CACNA1C: variants seen among roughly 807,000 people sequenced by gnomAD.
CACNA1C encodes calcium voltage-gated channel subunit alpha1 C, also known as voltage-dependent L-type calcium channel subunit alpha-1C.
In CACNA1C, 30 loss-of-function variants were observed where a neutral mutation model predicts 229.0. The ratio of observed to expected loss-of-function variants is 0.13; its 90% CI spans 0.10 to 0.18. The LOEUF (loss-of-function observed/expected upper bound fraction) is 0.18, where lower values mean the gene tolerates loss of function less well. CACNA1C is among the 10% of genes least tolerant of loss of function. The probability of loss-of-function intolerance (pLI) is 1.00; values close to 1 mark genes in which losing one functional copy is unlikely to be tolerated. For missense variants in CACNA1C, 1,658 were observed against 2,845.0 expected, an observed-to-expected ratio of 0.58 and a Z score of 9.49; for synonymous variants, 1,114 against 1,132.5, an observed-to-expected ratio of 0.98 and a Z score of 0.33.
At chr12:2,457,529 C>G (rs2099442543) in intron 4 of CACNA1C, 38 bp from the exon 5 acceptor site, 1 of 1,590,052 alleles carries the variant, frequency 6.3e-7, no homozygotes, top group South Asian at 1.1e-5. Context: ...AAAAGAAAAC[C>G]CAGTCCTGAC....
At chr12:2,622,832 G>A (rs1037949406) in intron 29 of CACNA1C, among the ~76,000 whole-genome samples, 1 of 152,172 alleles carries the variant, frequency 6.6e-6, no homozygotes, top group Non-Finnish European at 1.5e-5. Context: ...GGTCAGGGCA[G>A]CCTGAGGCTC....
Position 2,666,474 on chromosome 12 carries a change from T to G in CACNA1C, c.4527-212T>G, listed in dbSNP as rs183966935. ...TGAACATAGCATGGGCAGAAAATGA[T>G]TCATTAAAATCTAAACACGTGTATA... is the stretch of plus-strand genomic sequence containing the variant. On this transcript the variant is annotated intron_variant, in intron 36 of 46. Transcript: ENST00000399655. This position sits in a 1 kb window ranked among gnomAD's most constrained non-coding sequence, Gnocchi z 5.3. 4.5e-6 allele frequency: 2 copies of G among 447,990 alleles called. No homozygotes were observed. Among genetic ancestry groups the G allele is most frequent in the African/African-American group, 3.9e-5 (2 of 50,830 alleles). 27.8% of individuals were successfully genotyped at this position (447,990 alleles called of 1,614,324 possible). A position where few individuals can be genotyped will look rare whatever the true frequency, so the allele number is the denominator to read the frequency against.
Position 2,105,636 on chromosome 12 carries a change from C to T in CACNA1C, c.50-9588C>T, listed in dbSNP as rs1275825063. On this transcript the variant is annotated intron_variant, in intron 1 of 46. Coordinates refer to ENST00000399655, the MANE Select transcript of CACNA1C (RefSeq NM_000719.7). ...TCCTGAAGCCACTGGGTGCCCACCC[C>T]GGGGAGGGTTTCCACCTCAGCTGGG... Among the ~76,000 whole-genome samples, 786 of 84,204 alleles carry T rather than the reference C, an allele frequency of 9.3e-3. 4 individuals are homozygous for T. The highest frequency in any genetic ancestry group is 0.031 in the African/African-American group (722 of 23,158). 55.2% of individuals were successfully genotyped at this position (84,204 alleles called of 152,430 possible).
chr12:2,217,254 A>G (rs1566464483), intron 3 of CACNA1C, among the ~76,000 whole-genome samples: 2 of 152,182 alleles, frequency 1.3e-5, no homozygotes, highest in African/African-American at 4.8e-5. Context: ...GGGCTGGTGC[A>G]GGGGGAAGTG....
At chr12:2,680,272 GC>G in intron 42 of CACNA1C, 2 of 1,014,336 alleles carry the variant, frequency 2.0e-6, no homozygotes, top group Non-Finnish European at 1.4e-6. Context: ...GGCCCATTCT[GC>G]CCAGCACAGG....
In CACNA1C at chr12:2,585,835, A is replaced by G; in HGVS notation, c.2461A>G (p.Ile821Val). Residue 821 changes from isoleucine to valine, a missense_variant and splice_region_variant, in exon 18 of 47, where the codon ATC becomes GTC. By Grantham distance (29) the Ile-to-Val change is conservative. Transcript: ENST00000399655. This position sits in a 1 kb window ranked among gnomAD's most constrained non-coding sequence, Gnocchi z 4.1. ...ADGESPPATKINMDDLQPNEN... is the reference protein window; with the variant it reads ...ADGESPPATKVNMDDLQPNEN... Reference sequence around the variant, plus strand: ...CCCCTTCTCCCCTGTGACTGTCTAGATCAACATGGATGACCTCCAGCCCAA... The same window carrying G: ...CCCCTTCTCCCCTGTGACTGTCTAGGTCAACATGGATGACCTCCAGCCCAA... 6.2e-7 allele frequency: 1 copy of G among 1,606,508 alleles called. No homozygotes were observed. The highest frequency in any genetic ancestry group is 8.5e-7 in the Non-Finnish European group (1 of 1,175,374).
chr12:2,095,305 C>T (rs770487574), intron 1 of CACNA1C, among the ~76,000 whole-genome samples: 18 of 152,196 alleles, frequency 1.2e-4, no homozygotes, highest in Non-Finnish European at 2.5e-4. Flanking sequence ...CCTCCTAATT[C>T]CTGTGGGGAC....
intron 3 of CACNA1C, among the ~76,000 whole-genome samples, chr12:2,149,185 A>G (rs1029672): frequency 0.013 from 1,999 of 152,216 alleles, 48 homozygotes; most frequent in African/African-American, 0.045. Context: ...TGAGGAAGAA[A>G]GGGCAGCTAT....
At chr12:2,462,401 C>T (rs1021550708) in intron 5 of CACNA1C, among the ~76,000 whole-genome samples, 1 of 141,832 alleles carries the variant, frequency 7.1e-6, no homozygotes, top group African/African-American at 2.6e-5. Context: ...CATCCCCTCA[C>T]TCCCCGTTCA....
Position 2,602,630 on chromosome 12 carries a change from T to TGTGTGTG in CACNA1C, c.2960+670_2960+671insGTGTGTG, listed in dbSNP as rs2073161027. ...GTGTGTGACTGTGTATATTTGTGTC[T>TGTGTGTG]TGTGTGTGTGTGTGTGTGTGTGTGT... is the stretch of plus-strand genomic sequence containing the variant. On this transcript the variant is annotated intron_variant, in intron 22 of 46. Transcript: ENST00000399655. This position sits in a 1 kb window ranked among gnomAD's most constrained non-coding sequence, Gnocchi z 4.4. Among the ~76,000 whole-genome samples the TGTGTGTG allele has an allele frequency of 7.1e-6, 1 of 140,796 alleles. No homozygotes were observed. Among genetic ancestry groups the TGTGTGTG allele is most frequent in the African/African-American group, 2.8e-5 (1 of 36,120 alleles). 92.4% of individuals were successfully genotyped at this position (140,796 alleles called of 152,430 possible). A position where few individuals can be genotyped will look rare whatever the true frequency, so the allele number is the denominator to read the frequency against.
chr12:2,332,657 C>A (rs1593087900), intron 3 of CACNA1C, among the ~76,000 whole-genome samples: 1 of 152,226 alleles, frequency 6.6e-6, no homozygotes, highest in African/African-American at 2.4e-5. Context: ...AAATATTTAA[C>A]AATGGGGGCC....
At chr12:2,296,585 A>T (rs1357268844) in intron 3 of CACNA1C, among the ~76,000 whole-genome samples, 1 of 152,130 alleles carries the variant, frequency 6.6e-6, no homozygotes, top group Non-Finnish European at 1.5e-5. Flanking sequence ...TGGGACCACC[A>T]CCACCTCCAC....
intron 3 of CACNA1C, among the ~76,000 whole-genome samples, chr12:2,433,347 C>T (rs575038326): frequency 6.6e-6 from 1 of 152,310 alleles, no homozygotes; most frequent in East Asian, 1.9e-4. Flanking sequence ...CAGTCTTAGC[C>T]TGGGTAAGCC....
At chr12:2,433,578 AC>A (rs1203887177) in intron 3 of CACNA1C, among the ~76,000 whole-genome samples, 8 of 152,194 alleles carry the variant, frequency 5.3e-5, no homozygotes, top group Non-Finnish European at 1.2e-4. Flanking sequence ...ATGTGAGGAT[AC>A]CTCATGGCAT....
At chr12:2,179,239 T>C (rs10848625) in intron 3 of CACNA1C, among the ~76,000 whole-genome samples, 51,236 of 152,148 alleles carry the variant, frequency 0.34, 9,376 homozygotes, top group South Asian at 0.42. Flanking sequence ...CAGGCACTCA[T>C]GGCTGTGGCA....
chr12:2,020,787 T>C (rs2046308859), intron 1 of CACNA1C, among the ~76,000 whole-genome samples: 1 of 152,204 alleles, frequency 6.6e-6, no homozygotes, highest in Non-Finnish European at 1.5e-5. Context: ...GCCATCTGCC[T>C]AATACATAAA....
At chr12:2,227,492 C>T (rs1005303002) in intron 3 of CACNA1C, among the ~76,000 whole-genome samples, 2 of 152,214 alleles carry the variant, frequency 1.3e-5, no homozygotes, top group Non-Finnish European at 2.9e-5. Flanking sequence ...AATGATATCA[C>T]ATAAAGTACC....
At chr12:2,288,754 C>G (rs1395289995) in intron 3 of CACNA1C, 1 of 152,200 alleles carries the variant, frequency 6.6e-6, no homozygotes, top group East Asian at 1.9e-4. Flanking sequence ...TGCCAGCTAC[C>G]CAGTGGCTCT....
At chr12:2,099,651 A>C (rs1011999448) in intron 1 of CACNA1C, among the ~76,000 whole-genome samples, 1 of 152,208 alleles carries the variant, frequency 6.6e-6, no homozygotes, top group Non-Finnish European at 1.5e-5. Context: ...ATTTTGGAAA[A>C]TTAATCACAA....
Sources: allele counts gnomAD v4.1 joint callset (sites outside exome capture counted in the v4.1 genomes callset), GRCh38; gene constraint gnomAD v4.1.1; non-coding constraint Gnocchi (gnomAD v3.1); transcripts MANE v1.5; gene names NCBI Gene and HGNC (gene_info 2026-07-23, HGNC 2026-07-21).